GIPC1: variants seen among roughly 807,000 people sequenced by gnomAD.
GIPC1 encodes the protein GIPC PDZ domain containing family member 1.
GIPC1 carries 15 observed loss-of-function variants against 28.5 expected under a neutral mutation model. That is an observed-to-expected ratio of 0.53 (90% CI 0.35 to 0.81). The LOEUF (loss-of-function observed/expected upper bound fraction) is 0.81. Among genes scored for constraint, GIPC1 ranks in the 30% least tolerant of loss-of-function variants. GIPC1 has a pLI of 0.01. For missense variants in GIPC1, 439 were observed against 481.9 expected, an observed-to-expected ratio of 0.91 and a Z score of 0.83; for synonymous variants, 224 against 206.1, an observed-to-expected ratio of 1.09 and a Z score of -0.74.
intron 3 of GIPC1, among the ~76,000 whole-genome samples, chr19:14,486,277 G>A (rs1030195856): frequency 6.6e-6 from 1 of 152,178 alleles, no homozygotes; most frequent in Non-Finnish European, 1.5e-5. Context: ...GGCTGAAAGC[G>A]ACTACGCTTC....
Position 14,489,564 on chromosome 19 carries a change from G to A in GIPC1, c.-31+2092C>T. ...GTGGACAACAGAAAAATATTGGAAT[G>A]GTGGAAATACGAGGAAATAGTATCA... On this transcript the variant is annotated intron_variant, in intron 3 of 8. Coordinates refer to ENST00000393033, the MANE Select transcript of GIPC1 (RefSeq NM_005716.4). 3.0e-6 allele frequency: 3 copies of A among 988,178 alleles called. No homozygotes were observed. In the East Asian group the frequency reaches 7.1e-5, roughly 23 times the overall value. The allele number at this position is 988,178 out of a possible 1,614,324, so 61.2% of individuals were successfully genotyped here.
At position 14,482,991 on chromosome 19, in the gene GIPC1, G is replaced by A; in HGVS notation, c.-15C>T. ...CCCAGCGGCATGAGCAGCGAGAAGT[G>A]GGGTCACCAGAAGATCTGCAGGACA... On this transcript the variant is annotated 5_prime_UTR_variant, in exon 4 of 9. Coordinates refer to ENST00000393033, the MANE Select transcript of GIPC1 (RefSeq NM_005716.4). The A allele has an allele frequency of 6.2e-7, 1 of 1,606,390 alleles. No homozygotes were observed. Among genetic ancestry groups the A allele is most frequent in the Non-Finnish European group, 8.5e-7 (1 of 1,178,928 alleles).
Position 14,496,076 on chromosome 19 carries a change from T to TCCGCCTCCGCC in GIPC1, c.-215_-214insGGCGGAGGCGG, listed in dbSNP as rs1568371792. ...CCGCCGCCGCCGCCGCCGCCGCCGCTGCCTCCGCCTCCCCGTGCGCACCCG... is the reference window on the plus strand; with the variant it reads ...CCGCCGCCGCCGCCGCCGCCGCCGCTCCGCCTCCGCCGCCTCCGCCTCCCCGTGCGCACCCG... On this transcript the variant is annotated 5_prime_UTR_variant, in exon 1 of 9. Transcript: ENST00000393033. The TCCGCCTCCGCC allele has an allele frequency of 4.9e-6, 1 of 203,588 alleles. No homozygotes were observed. The highest frequency in any genetic ancestry group is 3.0e-5 in the African/African-American group (1 of 33,426). 12.6% of individuals were successfully genotyped at this position (203,588 alleles called of 1,614,324 possible).
Position 14,487,685 on chromosome 19 carries a change from C to CTTTTTTTTTTT in GIPC1, c.-31+3960_-31+3970dup, listed in dbSNP as rs34048955. ...AATATAAATTTTTTCCTTTATTTTC[C>CTTTTTTTTTTT]TTTTTTTTTTTGACAGAGTCTTGCT... On this transcript the variant is annotated intron_variant, in intron 3 of 8. Transcript: ENST00000393033. Among the ~76,000 whole-genome samples, 697 of 130,452 alleles carry CTTTTTTTTTTT rather than the reference C, an allele frequency of 5.3e-3. 27 individuals carry two copies. In the South Asian group the frequency reaches 0.056, roughly 10 times the overall value. 85.6% of individuals were successfully genotyped at this position (130,452 alleles called of 152,430 possible).
chr19:14,491,990 C>T (rs555783144), intron 2 of GIPC1, among the ~76,000 whole-genome samples: 1 of 152,146 alleles, frequency 6.6e-6, no homozygotes, highest in Admixed American at 6.5e-5. Flanking sequence ...ATGGCATGAA[C>T]CCGGGAGGTG....
chr19:14,480,914 G>T, intron 4 of GIPC1, 136 bp from the exon 5 acceptor site: 1 of 651,290 alleles, frequency 1.5e-6, no homozygotes, highest in Non-Finnish European at 2.7e-6. Flanking sequence ...CTGAGCCTGA[G>T]CCAGGGCCAC....
intron 3 of GIPC1, among the ~76,000 whole-genome samples, chr19:14,490,537 T>C (rs1240445591): frequency 8.9e-4 from 130 of 146,844 alleles, no homozygotes; most frequent in Non-Finnish European, 1.5e-3. Flanking sequence ...ATTAGCTGGG[T>C]GTAGTGGCAC....
intron 3 of GIPC1, among the ~76,000 whole-genome samples, chr19:14,485,698 TATATAGAGAGAGAG>T (rs1377796287): frequency 1.2e-4 from 10 of 85,092 alleles, no homozygotes; most frequent in African/African-American, 3.0e-4. Context: ...TATATATATA[TATATAGAGAGAGAG>T]AGAGAGAGAG....
intron 6 of GIPC1, chr19:14,479,990 G>GGGC: frequency 2.0e-6 from 1 of 507,944 alleles, no homozygotes; most frequent in Non-Finnish European, 3.5e-6. Flanking sequence ...AAAAGTGGGG[G>GGGC]GGCTGGCACT....
chr19:14,486,930 C>T (rs184355851), intron 3 of GIPC1, among the ~76,000 whole-genome samples: 2 of 152,110 alleles, frequency 1.3e-5, no homozygotes, highest in East Asian at 3.9e-4. Context: ...GCCACCGCGC[C>T]CGGCCCGCTT....
intron 5 of GIPC1, 42 bp from the exon 6 acceptor site, chr19:14,480,527 G>A (rs749397764): frequency 1.2e-6 from 2 of 1,604,274 alleles, no homozygotes; most frequent in African/African-American, 2.7e-5. Flanking sequence ...GCTCTGCCCT[G>A]GTTTCCGGGG....
chr19:14,495,795 G>T (rs1202691646), intron 1 of GIPC1, among the ~76,000 whole-genome samples: 2 of 152,042 alleles, frequency 1.3e-5, no homozygotes, highest in African/African-American at 4.8e-5. Context: ...GGCAAGCCCA[G>T]AAACCCCAGC....
chr19:14,485,642 A>G (rs369425197), intron 3 of GIPC1, among the ~76,000 whole-genome samples: 5 of 149,288 alleles, frequency 3.3e-5, no homozygotes, highest in African/African-American at 7.4e-5. Flanking sequence ...GGTGACAGAG[A>G]TAGACTCCGT....
intron 3 of GIPC1, among the ~76,000 whole-genome samples, chr19:14,485,684 AATATAT>A (rs141749727): frequency 2.8e-5 from 2 of 72,468 alleles, no homozygotes; most frequent in Non-Finnish European, 2.8e-5. Flanking sequence ...TAAATAAACA[AATATAT>A]ATATATATAT....
intron 7 of GIPC1, 81 bp downstream of exon 7, chr19:14,479,331 G>C (rs2071671149): frequency 7.0e-6 from 2 of 287,030 alleles, no homozygotes; most frequent in Non-Finnish European, 5.6e-6. Context: ...CAGCCTGGGT[G>C]ACAAGAGTGA....
At position 14,496,078 on chromosome 19, in the gene GIPC1, C is replaced by CCGCCGCCGCCG; in HGVS notation, c.-217_-216insCGGCGGCGGCG. ...GCCGCCGCCGCCGCCGCCGCCGCTG[C>CCGCCGCCGCCG]CTCCGCCTCCCCGTGCGCACCCGGC... On this transcript the variant is annotated 5_prime_UTR_variant, in exon 1 of 9. Transcript: ENST00000393033. 4.1e-6 allele frequency: 1 copy of CCGCCGCCGCCG among 242,806 alleles called. No homozygotes were observed. Among genetic ancestry groups the CCGCCGCCGCCG allele is most frequent in the South Asian group, 7.7e-5 (1 of 12,948 alleles). The allele number at this position is 242,806 out of a possible 1,614,324, so 15.0% of individuals were successfully genotyped here.
chr19:14,490,229 G>A (rs771222699), intron 3 of GIPC1, among the ~76,000 whole-genome samples: 6 of 152,008 alleles, frequency 3.9e-5, no homozygotes, highest in Non-Finnish European at 8.8e-5. Context: ...GGCCAGGCAC[G>A]GTGGTGGGCA....
rs1211864632 is a variant in GIPC1, at chr19:14,478,843, C to T, written c.769-78G>A. Reference sequence around the variant, plus strand: ...GTAATTGGACGGACTGCCATTGTCACCACTTTACATATATTCGTATTTAGA... The same window carrying T: ...GTAATTGGACGGACTGCCATTGTCATCACTTTACATATATTCGTATTTAGA... On this transcript the variant is annotated intron_variant, in intron 7 of 8. Coordinates refer to ENST00000393033, the MANE Select transcript of GIPC1 (RefSeq NM_005716.4). The surrounding 1 kb of genome is among the most constrained non-coding windows in gnomAD (Gnocchi z 5.2). 5 of 1,050,684 alleles carry T rather than the reference C, an allele frequency of 4.8e-6. No individual in the cohort carries two copies. The African/African-American group carries it at 7.8e-5, about 16-fold the overall frequency. 65.1% of individuals were successfully genotyped at this position (1,050,684 alleles called of 1,614,324 possible). A position where few individuals can be genotyped will look rare whatever the true frequency, so the allele number is the denominator to read the frequency against.
chr19:14,489,239 A>G, intron 3 of GIPC1: 1 of 614,922 alleles, frequency 1.6e-6, no homozygotes, highest in Non-Finnish European at 2.9e-6. Context: ...GGTTTGGATA[A>G]GGTTTGCCCC....
Sources: allele counts gnomAD v4.1 joint callset (sites outside exome capture counted in the v4.1 genomes callset), GRCh38; gene constraint gnomAD v4.1.1; non-coding constraint Gnocchi (gnomAD v3.1); transcripts MANE v1.5; gene names NCBI Gene and HGNC (gene_info 2026-07-23, HGNC 2026-07-21).